Variants in C1QTNF2 observed in about 807,000 individuals in gnomAD.
The protein encoded by C1QTNF2 is complement C1q tumor necrosis factor-related protein 2.
In C1QTNF2, 15 loss-of-function variants were observed where a neutral mutation model predicts 17.4. The observed-to-expected ratio is 0.86, with a 90% confidence interval of 0.58 to 1.33. The LOEUF is 1.33. Among genes scored for constraint, C1QTNF2 ranks in the 40% most tolerant of loss-of-function variants. The pLI is 0.00. For synonymous variants in C1QTNF2, 154 were observed against 163.3 expected (o/e 0.94, Z 0.44); for missense variants, 381 against 392.3 (o/e 0.97, Z 0.24).
Position 160,366,299 on chromosome 5 carries a change from C to A in C1QTNF2, c.-10+4213G>T, listed in dbSNP as rs137863377. On this transcript the variant is annotated intron_variant, in intron 1 of 2. Coordinates refer to ENST00000652664, the MANE Select transcript of C1QTNF2 (RefSeq NM_031908.6). ...GCCTCCCTTGAGTAATTTGACTGCTCACACCTCCCTTACAGAGTAATTGTG... is the reference window on the plus strand; with the variant it reads ...GCCTCCCTTGAGTAATTTGACTGCTAACACCTCCCTTACAGAGTAATTGTG... Among the ~76,000 whole-genome samples, 3 of 152,276 alleles carry A rather than the reference C, an allele frequency of 2.0e-5. No individual in the cohort carries two copies. The East Asian group carries it at 5.8e-4, about 29-fold the overall frequency.
chr5:160,360,835 G>A (rs4448041), intron 1 of C1QTNF2, among the ~76,000 whole-genome samples: 12,169 of 147,576 alleles, frequency 0.082, 608 homozygotes, highest in East Asian at 0.19. Context: ...TCGCTCTGCT[G>A]CCAGGCTGGA....
In C1QTNF2 at chr5:160,349,694, T is replaced by C. The variant is rs1298856378; in HGVS notation, c.332A>G (p.Lys111Arg). The C allele has an allele frequency of 6.2e-7, 1 of 1,605,116 alleles. No homozygotes were observed. The highest frequency in any genetic ancestry group is 1.7e-5 in the Admixed American group (1 of 58,008). ...AIGRAGPRGP[K>R]GVNGTPGKHG... ...CTTCCCGGGGGTACCGTTGACCCCC[T>C]TGGGGCCACGGGGGCCAGCCCGCCC... Residue 111 changes from lysine to arginine, a missense_variant, in exon 3 of 3, where the codon AAG becomes AGG. Coordinates refer to ENST00000652664, the MANE Select transcript of C1QTNF2 (RefSeq NM_031908.6). The surrounding 1 kb of genome is among the most constrained non-coding windows in gnomAD (Gnocchi z 4.3).
In C1QTNF2 at chr5:160,349,568, G is replaced by A. The variant is rs761808194; in HGVS notation, c.458C>T (p.Ser153Leu). 1.7e-5 allele frequency: 28 copies of A among 1,613,540 alleles called. No homozygotes were observed. The highest frequency in any genetic ancestry group is 2.1e-5 in the Non-Finnish European group (25 of 1,180,010). ...TGGGTAGCTCTTGGTCACTGCCACC[G>A]AGAAAGCTGACTTGGTATGGCCACT... is the stretch of plus-strand genomic sequence containing the variant. Reference protein sequence around the residue: ...CGSGHTKSAFSVAVTKSYPRE... With the variant: ...CGSGHTKSAFLVAVTKSYPRE... The change falls in exon 3 of 3, where the codon TCG (serine) becomes TTG (leucine). Residue 153 changes from serine (S) to leucine (L), a missense_variant. Physicochemically the swap from Ser to Leu is moderately radical, Grantham distance 145. Transcript: ENST00000652664. This position sits in a 1 kb window ranked among gnomAD's most constrained non-coding sequence, Gnocchi z 4.3.
rs771784503 is a variant in C1QTNF2, at chr5:160,349,173, C to A, written c.853G>T (p.Val285Leu). 3 of 1,611,576 alleles carry A rather than the reference C, an allele frequency of 1.9e-6. No individual in the cohort carries two copies. The highest frequency in any genetic ancestry group is 2.5e-6 in the Non-Finnish European group (3 of 1,178,508). ...IYADQDDPNE[V>L] Reference sequence around the variant, plus strand: ...GGAGGACCGCCGTGGCATGTCTATACCTCGTTGGGGTCATCCTGGTCGGCA... The same window carrying A: ...GGAGGACCGCCGTGGCATGTCTATAACTCGTTGGGGTCATCCTGGTCGGCA... The change falls in exon 3 of 3, where the codon GTA becomes TTA. Residue 285 changes from valine to leucine, a missense_variant. Physicochemically the swap from Val to Leu is conservative, Grantham distance 32. Coordinates refer to ENST00000652664, the MANE Select transcript of C1QTNF2 (RefSeq NM_031908.6). The surrounding 1 kb of genome is among the most constrained non-coding windows in gnomAD (Gnocchi z 4.3).
rs937998207 is a variant in C1QTNF2, at chr5:160,348,091, C to T, written c.*1077G>A. The T allele has an allele frequency of 6.6e-6, 1 of 152,178 alleles. No individual in the cohort carries two copies. Among genetic ancestry groups the T allele is most frequent in the Non-Finnish European group, 1.5e-5 (1 of 68,062 alleles). 9.4% of individuals were successfully genotyped at this position (152,178 alleles called of 1,614,324 possible). ...CACTTTTACTGCAGCTTCTTAAGCC[C>T]CCAGATCCCTGCATACTGGCAACAC... On this transcript the variant is annotated 3_prime_UTR_variant, in exon 3 of 3. Coordinates refer to ENST00000652664, the MANE Select transcript of C1QTNF2 (RefSeq NM_031908.6).
chr5:160,349,590 C>T lies in C1QTNF2; in HGVS notation c.436G>A (p.Gly146Ser). Residue 146 changes from glycine (G) to serine (S), a missense_variant, in exon 3 of 3, where the codon GGC (glycine) becomes AGC (serine). Transcript: ENST00000652664. This position sits in a 1 kb window ranked among gnomAD's most constrained non-coding sequence, Gnocchi z 4.3. Reference protein sequence around the residue: ...GLPGPCSCGSGHTKSAFSVAV... With the variant: ...GLPGPCSCGSSHTKSAFSVAV... The stretch of plus-strand genomic sequence containing the variant: ...ACCGAGAAAGCTGACTTGGTATGGC[C>T]ACTGCCACAGCTGCAGGGGCCTGGG... The T allele has an allele frequency of 6.2e-7, 1 of 1,613,732 alleles. No individual in the cohort carries two copies. Among genetic ancestry groups the T allele is most frequent in the South Asian group, 1.1e-5 (1 of 91,068 alleles).
chr5:160,365,000 GTGAAAAGATGTAGTTGC>G (rs1764220909), intron 1 of C1QTNF2, among the ~76,000 whole-genome samples: 2 of 152,300 alleles, frequency 1.3e-5, no homozygotes, highest in South Asian at 4.1e-4. Flanking sequence ...GGAATTAGAG[GTGAAAAGATGTAGTTGC>G]TGCTCCTGTA....
intron 1 of C1QTNF2, among the ~76,000 whole-genome samples, chr5:160,362,741 C>G (rs1465139713): frequency 6.6e-6 from 1 of 152,126 alleles, no homozygotes; most frequent in African/African-American, 2.4e-5. Flanking sequence ...AGTGCAATGA[C>G]TGGGCTTGGA....
intron 1 of C1QTNF2, among the ~76,000 whole-genome samples, chr5:160,359,347 A>G (rs535350272): frequency 2.2e-4 from 34 of 152,210 alleles, no homozygotes; most frequent in African/African-American, 7.9e-4. Context: ...AGGCTAATTT[A>G]CTTATGTTTA....
chr5:160,353,286 G>A (rs1184540335), intron 2 of C1QTNF2, among the ~76,000 whole-genome samples: 3 of 152,114 alleles, frequency 2.0e-5, no homozygotes, highest in Non-Finnish European at 2.9e-5. Flanking sequence ...GTAGGCTTAG[G>A]GATGCTGCTG....
At chr5:160,362,314 C>T (rs12519455) in intron 1 of C1QTNF2, among the ~76,000 whole-genome samples, 3 of 151,940 alleles carry the variant, frequency 2.0e-5, no homozygotes, top group Admixed American at 2.0e-4. Context: ...CACGACAGCT[C>T]CGAGAACACC....
In C1QTNF2 at chr5:160,349,663, G is replaced by A. The variant is rs1554126757; in HGVS notation, c.363C>T (p.Gly121=). ...CCTTGGGCCCCTTCTTGCCTGGTGT[G>A]CCATGCTTCCCGGGGGTACCGTTGA... The part of the protein sequence containing the change: ...KGVNGTPGKH[G]TPGKKGPKGK... Residue 121 remains glycine (G), a synonymous_variant, in exon 3 of 3, where the codon GGC becomes GGT. Coordinates refer to ENST00000652664, the MANE Select transcript of C1QTNF2 (RefSeq NM_031908.6). This position sits in a 1 kb window ranked among gnomAD's most constrained non-coding sequence, Gnocchi z 4.3. 6.2e-7 allele frequency: 1 copy of A among 1,613,522 alleles called. No homozygotes were observed. The highest frequency in any genetic ancestry group is 1.1e-5 in the South Asian group (1 of 91,058).
rs545506889 is a variant in C1QTNF2 at position 160,370,480 on chromosome 5, G to GC, written c.-10+31dup. On this transcript the variant is annotated intron_variant, in intron 1 of 2. Coordinates refer to ENST00000652664, the MANE Select transcript of C1QTNF2 (RefSeq NM_031908.6). ...CTCCTCCTCCCCGCGCGCACTTGCCGCCCCCGCCCGACCGCGGTGCGGGAC... is the reference window on the plus strand; with the variant it reads ...CTCCTCCTCCCCGCGCGCACTTGCCGCCCCCCGCCCGACCGCGGTGCGGGAC... The GC allele has an allele frequency of 2.3e-4, 328 of 1,405,352 alleles. 4 individuals are homozygous for GC. In the African/African-American group the frequency reaches 4.1e-3, roughly 17 times the overall value. The allele number at this position is 1,405,352 out of a possible 1,614,324, so 87.1% of individuals were successfully genotyped here.
At chr5:160,350,323 A>C (rs1207610951) in intron 2 of C1QTNF2, among the ~76,000 whole-genome samples, 1 of 150,536 alleles carries the variant, frequency 6.6e-6, no homozygotes, top group South Asian at 2.1e-4. Flanking sequence ...GCAGGAGTTA[A>C]AAAAAAAAGT....
chr5:160,357,246 G>C (rs563931647), intron 1 of C1QTNF2, among the ~76,000 whole-genome samples: 1 of 152,304 alleles, frequency 6.6e-6, no homozygotes, highest in African/African-American at 2.4e-5. Context: ...CCTTCGAATG[G>C]AAATTGAGGT....
At chr5:160,354,704 GC>G in intron 2 of C1QTNF2, 63 bp downstream of exon 2, 5 of 1,588,342 alleles carry the variant, frequency 3.1e-6, no homozygotes, top group Non-Finnish European at 4.3e-6. Context: ...ACTTCATGAT[GC>G]CCCCCACATG....
intron 1 of C1QTNF2, among the ~76,000 whole-genome samples, chr5:160,366,441 G>A (rs1388722201): frequency 6.6e-6 from 1 of 152,136 alleles, no homozygotes; most frequent in Non-Finnish European, 1.5e-5. Flanking sequence ...ATGGGAGAAG[G>A]TTGCCACACT....
intron 1 of C1QTNF2, among the ~76,000 whole-genome samples, chr5:160,358,820 G>A (rs1051661566): frequency 3.3e-5 from 5 of 151,972 alleles, no homozygotes; most frequent in Admixed American, 6.6e-5. Flanking sequence ...TCACTTTGTC[G>A]CCCAGGCTGG....
At position 160,347,985 on chromosome 5, in the gene C1QTNF2, G is replaced by A. The variant is rs781432079; in HGVS notation, c.*1183C>T. 5.3e-5 allele frequency: 8 copies of A among 152,098 alleles called. No homozygotes were observed. The highest frequency in any genetic ancestry group is 6.6e-5 in the Admixed American group (1 of 15,266). 9.4% of individuals were successfully genotyped at this position (152,098 alleles called of 1,614,324 possible). ...TTGGTCAGGCTGGTCTTGAACTCCT[G>A]ACCTCAAATGATCCGTCCACCTCAG... On this transcript the variant is annotated 3_prime_UTR_variant, in exon 3 of 3. Transcript: ENST00000652664.
Sources: allele counts gnomAD v4.1 joint callset (sites outside exome capture counted in the v4.1 genomes callset), GRCh38; gene constraint gnomAD v4.1.1; non-coding constraint Gnocchi (gnomAD v3.1); transcripts MANE v1.5; gene names NCBI Gene and HGNC (gene_info 2026-07-23, HGNC 2026-07-21).